Variants in SLC44A5 observed in about 807,000 individuals in gnomAD.
SLC44A5 encodes choline transporter-like protein 5.
Under a neutral mutation model 101.8 loss-of-function variants are expected in SLC44A5, and 57 were observed. The observed-to-expected ratio is 0.56, with a 90% CI of 0.45 to 0.70. The LOEUF is 0.70. Among genes scored for constraint, SLC44A5 ranks in the 30% least tolerant of loss-of-function variants. SLC44A5 has a pLI of 0.00. For synonymous variants in SLC44A5, 281 were observed against 290.9 expected (o/e 0.97, Z 0.35); for missense variants, 737 against 853.1 (o/e 0.86, Z 1.70).
chr1:75,446,794 T>C (rs1405630171), intron 2 of SLC44A5, among the ~76,000 whole-genome samples: 2 of 152,198 alleles, frequency 1.3e-5, no homozygotes, highest in African/African-American at 4.8e-5. Flanking sequence ...GTTTGCATTA[T>C]GTTTATTAAC....
At chr1:75,591,670 C>T (rs1383277497) in intron 1 of SLC44A5, among the ~76,000 whole-genome samples, 2 of 151,984 alleles carry the variant, frequency 1.3e-5, no homozygotes, top group Non-Finnish European at 2.9e-5. Flanking sequence ...CTAGAAAGAT[C>T]GTTTATAATG....
At chr1:75,628,985 C>CA in the SLC44A5 span, among the ~76,000 whole-genome samples, 2,490 of 152,212 alleles carry the variant, frequency 0.016, 63 homozygotes, top group African/African-American at 0.057. Flanking sequence ...TGGAAATCTC[C>CA]CTTTTGGCAT....
In SLC44A5 at chr1:75,368,643, GCACACACACACA is replaced by G. The variant is rs10598515; in HGVS notation, c.52+27928_52+27939del. On this transcript the variant is annotated intron_variant, in intron 3 of 23. Transcript: ENST00000370859. ...CTCTCTGTCTCTTTAAAATGTGCATGCACACACACACACACACACACACACACACCACACTCA... is the reference window on the plus strand; with the variant it reads ...CTCTCTGTCTCTTTAAAATGTGCATGCACACACACACACACACCACACTCA... Among the ~76,000 whole-genome samples, 5 of 144,092 alleles carry G rather than the reference GCACACACACACA, an allele frequency of 3.5e-5. No homozygotes were observed. The East Asian group carries it at 8.0e-4, about 23-fold the overall frequency. 94.5% of individuals were successfully genotyped at this position (144,092 alleles called of 152,430 possible). A position where few individuals can be genotyped will look rare whatever the true frequency, so the allele number is the denominator to read the frequency against.
At chr1:75,595,811 A>G (rs1283028174) in intron 1 of SLC44A5, among the ~76,000 whole-genome samples, 2 of 152,220 alleles carry the variant, frequency 1.3e-5, no homozygotes, top group Non-Finnish European at 2.9e-5. Flanking sequence ...GCTTAATTTT[A>G]TATTCATGTA....
At chr1:75,241,359 G>A (rs1001077219) in intron 9 of SLC44A5, among the ~76,000 whole-genome samples, 1 of 151,836 alleles carries the variant, frequency 6.6e-6, no homozygotes, top group Non-Finnish European at 1.5e-5. Flanking sequence ...AAGTAGCTGG[G>A]ATTACAAGTG....
chr1:75,371,901 A>G (rs1660249791), intron 3 of SLC44A5, among the ~76,000 whole-genome samples: 1 of 152,216 alleles, frequency 6.6e-6, no homozygotes, highest in Non-Finnish European at 1.5e-5. Context: ...CAAGGTATAT[A>G]AAAGCTCCAA....
chr1:75,226,855 C>T (rs1647207923), intron 13 of SLC44A5, among the ~76,000 whole-genome samples: 1 of 151,946 alleles, frequency 6.6e-6, no homozygotes, highest in Non-Finnish European at 1.5e-5. Context: ...TAAAATCATC[C>T]TGCTTAAAAA....
chr1:75,256,141 T>C (rs1476101344), intron 6 of SLC44A5, among the ~76,000 whole-genome samples: 3 of 152,166 alleles, frequency 2.0e-5, no homozygotes, highest in African/African-American at 7.2e-5. Context: ...TAACTGGGCA[T>C]TCTGTGCTTT....
the SLC44A5 span, among the ~76,000 whole-genome samples, chr1:75,622,172 G>A: frequency 6.6e-6 from 1 of 152,090 alleles, no homozygotes; most frequent in Non-Finnish European, 1.5e-5. Flanking sequence ...TGGGCAGAAA[G>A]ATATGAAATT....
chr1:75,479,888 C>T (rs1202941320), intron 2 of SLC44A5, among the ~76,000 whole-genome samples: 1 of 152,210 alleles, frequency 6.6e-6, no homozygotes, highest in African/African-American at 2.4e-5. Flanking sequence ...GGAATCCTCC[C>T]TAACTCATTT....
intron 2 of SLC44A5, among the ~76,000 whole-genome samples, chr1:75,492,066 A>T (rs1481526868): frequency 2.0e-5 from 3 of 152,144 alleles, no homozygotes; most frequent in Non-Finnish European, 2.9e-5. Flanking sequence ...TACCTGTTTT[A>T]ATGAAAACAG....
At chr1:75,529,461 C>G (rs1670601782) in intron 2 of SLC44A5, among the ~76,000 whole-genome samples, 1 of 152,270 alleles carries the variant, frequency 6.6e-6, no homozygotes, top group East Asian at 1.9e-4. Flanking sequence ...ATTTAGCCAC[C>G]AAAACCTTCC....
the SLC44A5 span, among the ~76,000 whole-genome samples, chr1:75,685,942 C>T: frequency 6.6e-6 from 1 of 152,172 alleles, no homozygotes; most frequent in Admixed American, 6.5e-5. Flanking sequence ...CTCACCATGA[C>T]TTACAATCAT....
At chr1:75,342,033 C>T (rs754422470) in intron 3 of SLC44A5, among the ~76,000 whole-genome samples, 3 of 152,146 alleles carry the variant, frequency 2.0e-5, no homozygotes, top group Non-Finnish European at 4.4e-5. Flanking sequence ...CCAGTTTACA[C>T]ACTGTCATTA....
chr1:75,303,234 TG>T (rs1654641950), intron 4 of SLC44A5, among the ~76,000 whole-genome samples: 1 of 150,366 alleles, frequency 6.7e-6, no homozygotes. Context: ...GGAAGGTTTT[TG>T]TTTGTTTGTT....
chr1:75,291,805 A>T (rs1653567906), intron 5 of SLC44A5, among the ~76,000 whole-genome samples: 1 of 152,002 alleles, frequency 6.6e-6, no homozygotes, highest in African/African-American at 2.4e-5. Context: ...AGTTCAGGAG[A>T]TCGAGACCAT....
chr1:75,454,301 A>G (rs1358540651), intron 2 of SLC44A5, among the ~76,000 whole-genome samples: 1 of 152,216 alleles, frequency 6.6e-6, no homozygotes, highest in East Asian at 1.9e-4. Context: ...TAAAAATAAC[A>G]TATGGTCATC....
At chr1:75,266,753 A>G (rs551159001) in intron 6 of SLC44A5, among the ~76,000 whole-genome samples, 2 of 152,316 alleles carry the variant, frequency 1.3e-5, no homozygotes, top group African/African-American at 2.4e-5. Context: ...ATGCCAGACA[A>G]TGCTGTAGGT....
chr1:75,457,990 A>G (rs1666282456), intron 2 of SLC44A5, among the ~76,000 whole-genome samples: 1 of 152,242 alleles, frequency 6.6e-6, no homozygotes, highest in African/African-American at 2.4e-5. Context: ...ACTAAGACAC[A>G]GTCCTTACCC....
Sources: allele counts gnomAD v4.1 joint callset (sites outside exome capture counted in the v4.1 genomes callset), GRCh38; gene constraint gnomAD v4.1.1; transcripts MANE v1.5; gene names NCBI Gene and HGNC (gene_info 2026-07-23, HGNC 2026-07-21).